The following PPP2R2C variants were observed in gnomAD, a reference collection of about 807,000 sequenced individuals.
The protein encoded by PPP2R2C is protein phosphatase 2 regulatory subunit Bgamma, also known as protein phosphatase 2, regulatory subunit B, gamma.
PPP2R2C carries 10 observed loss-of-function variants against 45.3 expected under a neutral mutation model. The ratio of observed to expected loss-of-function variants is 0.22; its 90% CI spans 0.14 to 0.37. The LOEUF (loss-of-function observed/expected upper bound fraction) is 0.37. Among genes scored for constraint, PPP2R2C ranks in the 10% least tolerant of loss-of-function variants. The probability of loss-of-function intolerance (pLI) is 1.00; values close to 1 mark genes in which losing one functional copy is unlikely to be tolerated. For missense variants in PPP2R2C, 308 were observed against 619.7 expected, an observed-to-expected ratio of 0.50 and a Z score of 5.34; for synonymous variants, 257 against 245.4, an observed-to-expected ratio of 1.05 and a Z score of -0.44.
chr4:6,562,478 G>T (rs983054356), intron 1 of PPP2R2C, among the ~76,000 whole-genome samples: 2 of 151,236 alleles, frequency 1.3e-5, no homozygotes, highest in African/African-American at 4.9e-5. Flanking sequence ...CGGGGGGGGG[G>T]GTTGGATATT....
intron 2 of PPP2R2C, among the ~76,000 whole-genome samples, chr4:6,529,843 T>C (rs145492376): frequency 1.3e-5 from 2 of 152,248 alleles, no homozygotes; most frequent in African/African-American, 2.4e-5. Flanking sequence ...CTTCTCTGCT[T>C]GGGAAGGCCT....
chr4:6,403,629 G>A (rs1284628104), intron 1 of PPP2R2C, among the ~76,000 whole-genome samples: 1 of 152,102 alleles, frequency 6.6e-6, no homozygotes, highest in Non-Finnish European at 1.5e-5. Context: ...CTGGGAGGAC[G>A]AGGCAGGGGG....
At chr4:6,458,736 G>A (rs1721172851) in intron 1 of PPP2R2C, among the ~76,000 whole-genome samples, 1 of 152,176 alleles carries the variant, frequency 6.6e-6, no homozygotes, top group African/African-American at 2.4e-5. Flanking sequence ...AGCGGAAGCA[G>A]GCATGACCCA....
chr4:6,549,870 T>C (rs1301391443), intron 1 of PPP2R2C, among the ~76,000 whole-genome samples: 1 of 152,208 alleles, frequency 6.6e-6, no homozygotes. Context: ...GAACGTTATT[T>C]CTCGAGACTC....
intron 2 of PPP2R2C, among the ~76,000 whole-genome samples, chr4:6,482,040 C>T (rs1722372569): frequency 7.1e-6 from 1 of 140,126 alleles, no homozygotes; most frequent in South Asian, 2.3e-4. Context: ...TTCACTGAAA[C>T]TTCAATTAGC....
chr4:6,357,891 C>T (rs1312408983), intron 5 of PPP2R2C, among the ~76,000 whole-genome samples: 1 of 152,188 alleles, frequency 6.6e-6, no homozygotes, highest in Non-Finnish European at 1.5e-5. Flanking sequence ...ACAGGCCTCC[C>T]GTATAGTCCT....
chr4:6,434,553 T>A (rs1382262212), intron 1 of PPP2R2C, among the ~76,000 whole-genome samples: 1 of 151,916 alleles, frequency 6.6e-6, no homozygotes, highest in African/African-American at 2.4e-5. Flanking sequence ...GAGATGGGGT[T>A]TCGTGATGCT....
intron 2 of PPP2R2C, among the ~76,000 whole-genome samples, chr4:6,478,005 C>T (rs1225433479): frequency 2.0e-5 from 3 of 152,150 alleles, no homozygotes; most frequent in Non-Finnish European, 4.4e-5. Context: ...CATATGACAA[C>T]ATCTCAGCTC....
chr4:6,448,875 C>T (rs1577191107), intron 1 of PPP2R2C, among the ~76,000 whole-genome samples: 1 of 152,200 alleles, frequency 6.6e-6, no homozygotes, highest in East Asian at 1.9e-4. Context: ...CTGCTGAACT[C>T]CGGGCGGGGG....
intron 2 of PPP2R2C, among the ~76,000 whole-genome samples, chr4:6,512,187 G>A (rs1723612143): frequency 1.0e-5 from 1 of 97,990 alleles, no homozygotes; most frequent in Non-Finnish European, 2.1e-5. Context: ...TGATGGTGGT[G>A]GTGGTGGTGG....
chr4:6,378,144 T>G lies in PPP2R2C; in HGVS notation c.334+263A>C, dbSNP rs148050935. On this transcript the variant is annotated intron_variant, in intron 3 of 8. Transcript: ENST00000382599. This position sits in a 1 kb window ranked among gnomAD's most constrained non-coding sequence, Gnocchi z 5.2. ...AGCCCTGTGTCTGGCCATGGGGAGC[T>G]TCTGAGAGGGTCTGGCATACTCACT... 2.8e-3 allele frequency among the ~76,000 whole-genome samples: 418 copies of G among 151,868 alleles called. 4 individuals carry two copies. Among genetic ancestry groups the G allele is most frequent in the African/African-American group, 9.7e-3 (403 of 41,368 alleles).
At chr4:6,339,693 G>A (rs558164220) in intron 6 of PPP2R2C, among the ~76,000 whole-genome samples, 2 of 152,360 alleles carry the variant, frequency 1.3e-5, no homozygotes, top group East Asian at 3.9e-4. Flanking sequence ...GAGGGTGGGA[G>A]GGACCTGCAG....
chr4:6,381,812 A>T (rs1715819486), intron 1 of PPP2R2C: 1 of 1,613,774 alleles, frequency 6.2e-7, no homozygotes, highest in Non-Finnish European at 8.5e-7. Context: ...GCCTTCCTGG[A>T]TGGGCAAGTG....
intron 1 of PPP2R2C, among the ~76,000 whole-genome samples, chr4:6,459,267 G>A (rs982700785): frequency 7.9e-5 from 12 of 152,120 alleles, no homozygotes; most frequent in Non-Finnish European, 1.8e-4. Context: ...GCTCAACCAG[G>A]ACCTTGGTTC....
chr4:6,507,009 G>A (rs187377013), intron 2 of PPP2R2C, among the ~76,000 whole-genome samples: 1 of 152,184 alleles, frequency 6.6e-6, no homozygotes, highest in Admixed American at 6.5e-5. Context: ...TTCTTATGAT[G>A]CAGCCTCAGA....
chr4:6,537,080 G>A (rs1228173622), intron 1 of PPP2R2C, among the ~76,000 whole-genome samples: 5 of 152,134 alleles, frequency 3.3e-5, no homozygotes, highest in African/African-American at 1.2e-4. Flanking sequence ...GTGGGCACCT[G>A]TAGTCCCAGC....
intron 2 of PPP2R2C, among the ~76,000 whole-genome samples, chr4:6,485,812 G>A (rs2108781805): frequency 6.6e-6 from 1 of 152,048 alleles, no homozygotes; most frequent in Non-Finnish European, 1.5e-5. Flanking sequence ...AAAAATCTTA[G>A]ATAACTTTTT....
intron 1 of PPP2R2C, among the ~76,000 whole-genome samples, chr4:6,425,008 A>C (rs914918023): frequency 6.6e-6 from 1 of 152,228 alleles, no homozygotes; most frequent in Non-Finnish European, 1.5e-5. Flanking sequence ...GCCATCATGA[A>C]GAATGCCTGA....
At chr4:6,436,012 T>G (rs1331324491) in intron 1 of PPP2R2C, among the ~76,000 whole-genome samples, 1 of 151,876 alleles carries the variant, frequency 6.6e-6, no homozygotes, top group Non-Finnish European at 1.5e-5. Context: ...GAGGGTGGAG[T>G]GCTCATGAAT....
Sources: gnomAD v4.1 joint callset for allele counts (sites outside exome capture counted in the v4.1 genomes callset) on GRCh38, gnomAD v4.1.1 for gene constraint, Gnocchi (gnomAD v3.1) non-coding constraint, MANE v1.5 for transcripts, NCBI Gene and HGNC (gene_info 2026-07-23, HGNC 2026-07-21) for gene names.